Variants in DOCK1 observed in about 807,000 individuals in gnomAD.
DOCK1 encodes the protein dedicator of cytokinesis protein 1.
Under a neutral mutation model 262.7 loss-of-function variants are expected in DOCK1, and 138 were observed. The ratio of observed to expected loss-of-function variants is 0.53; its 90% CI spans 0.46 to 0.61. The LOEUF is 0.61. Among genes scored for constraint, DOCK1 ranks in the 20% least tolerant of loss-of-function variants. The pLI, the probability that DOCK1 is intolerant of heterozygous loss-of-function variation, is 0.00. For synonymous variants in DOCK1, 866 were observed against 867.4 expected, an observed-to-expected ratio of 1.00 and a Z score of 0.03; for missense variants, 1,908 against 2,370.7, an observed-to-expected ratio of 0.80 and a Z score of 4.05.
At chr10:127,305,424 C>G (rs755500700) in intron 29 of DOCK1, among the ~76,000 whole-genome samples, 7 of 152,122 alleles carry the variant, frequency 4.6e-5, no homozygotes, top group African/African-American at 1.7e-4. Flanking sequence ...GGACTTGCTT[C>G]CCTGGAAATC....
Position 127,176,482 on chromosome 10 carries a change from A to C in DOCK1, c.2847+48718A>C. The C allele has an allele frequency of 1.8e-6, 2 of 1,127,954 alleles. No individual in the cohort carries two copies. Among genetic ancestry groups the C allele is most frequent in the Non-Finnish European group, 2.5e-6 (2 of 793,196 alleles). 69.9% of individuals were successfully genotyped at this position (1,127,954 alleles called of 1,614,324 possible). On this transcript the variant is annotated intron_variant, in intron 27 of 51. Transcript: ENST00000623213. The surrounding 1 kb of genome is among the most constrained non-coding windows in gnomAD (Gnocchi z 4.4). ...CCGGCCGCACAAACTTTTAGCCACC[A>C]CGACGACTGCCTGTTTCCTAATTAT...
At chr10:127,350,274 A>AAC (rs1027747288) in intron 31 of DOCK1, among the ~76,000 whole-genome samples, 6 of 149,828 alleles carry the variant, frequency 4.0e-5, no homozygotes, top group African/African-American at 1.5e-4. Flanking sequence ...CTTTAAAAAA[A>AAC]ACCTGCCTCC....
intron 23 of DOCK1, among the ~76,000 whole-genome samples, chr10:127,094,695 G>T (rs539947514): frequency 6.6e-6 from 1 of 152,308 alleles, no homozygotes; most frequent in East Asian, 1.9e-4. Context: ...TTCCCGAAGG[G>T]CTCCATTTTG....
intron 6 of DOCK1, among the ~76,000 whole-genome samples, chr10:126,992,737 G>GACACACACACAC (rs34596370): frequency 1.9e-4 from 26 of 133,436 alleles, no homozygotes; most frequent in Middle Eastern, 3.7e-3. Flanking sequence ...CCCCAACACA[G>GACACACACACAC]ACACACACAC....
intron 25 of DOCK1, among the ~76,000 whole-genome samples, chr10:127,115,933 G>A (rs969391635): frequency 3.9e-5 from 6 of 152,204 alleles, no homozygotes; most frequent in Admixed American, 1.3e-4. Flanking sequence ...GCAGTGGACA[G>A]GTTTTCTTTG....
At position 127,023,195 on chromosome 10, in the gene DOCK1, C is replaced by G; in HGVS notation, c.1328-5C>G. 1.2e-6 allele frequency: 2 copies of G among 1,613,060 alleles called. No individual in the cohort carries two copies. The highest frequency in any genetic ancestry group is 2.2e-5 in the South Asian group (2 of 90,766). On this transcript the variant is annotated splice_polypyrimidine_tract_variant and splice_region_variant and intron_variant, in intron 13 of 51. Coordinates refer to ENST00000623213, the MANE Select transcript of DOCK1 (RefSeq NM_001290223.2). ...TTTTTAAATGTATGATTTCTCCCCC[C>G]TCAGGTGATGTTCGAAATGATATCT...
intron 47 of DOCK1, among the ~76,000 whole-genome samples, chr10:127,427,136 G>C (rs894143464): frequency 6.6e-6 from 1 of 152,234 alleles, no homozygotes; most frequent in Non-Finnish European, 1.5e-5. Context: ...ATGTGGCACA[G>C]AGAAGCAGGG....
At chr10:127,354,987 A>G (rs1342364392) in intron 32 of DOCK1, among the ~76,000 whole-genome samples, 1 of 152,114 alleles carries the variant, frequency 6.6e-6, no homozygotes, top group Non-Finnish European at 1.5e-5. Flanking sequence ...CGTGGCTTGG[A>G]GCTCCTCCCT....
chr10:127,263,396 A>T (rs1253079935), intron 29 of DOCK1, among the ~76,000 whole-genome samples: 2 of 28,930 alleles, frequency 6.9e-5, no homozygotes, highest in East Asian at 4.0e-3. Context: ...ATCAAGAATC[A>T]AAATTACAGG....
chr10:127,072,086 G>A (rs564162915), intron 23 of DOCK1, among the ~76,000 whole-genome samples: 3 of 152,190 alleles, frequency 2.0e-5, no homozygotes, highest in Admixed American at 6.5e-5. Context: ...CTGTGCCCTC[G>A]GTCTTGGATT....
intron 27 of DOCK1, among the ~76,000 whole-genome samples, chr10:127,221,851 A>G (rs1389249314): frequency 6.6e-6 from 1 of 152,224 alleles, no homozygotes; most frequent in Non-Finnish European, 1.5e-5. Flanking sequence ...CCTTAATTTA[A>G]TGGAATGCCT....
intron 29 of DOCK1, among the ~76,000 whole-genome samples, chr10:127,322,255 T>A (rs2062567154): frequency 6.7e-6 from 1 of 149,616 alleles, no homozygotes; most frequent in South Asian, 2.2e-4. Flanking sequence ...AGTGGTGTGA[T>A]CTCGGCTCAC....
chr10:127,176,390 G>T lies in DOCK1; in HGVS notation c.2847+48626G>T. 1 of 1,601,856 alleles carries T rather than the reference G, an allele frequency of 6.2e-7. No homozygotes were observed. The highest frequency in any genetic ancestry group is 1.1e-5 in the South Asian group (1 of 89,754). On this transcript the variant is annotated intron_variant, in intron 27 of 51. Transcript: ENST00000623213. The surrounding 1 kb of genome is among the most constrained non-coding windows in gnomAD (Gnocchi z 4.4). ...GTATGCATTTGCCGGTGTCCTTACTGACCATGGTTCCTGCATTCAGAAACA... is the reference window on the plus strand; with the variant it reads ...GTATGCATTTGCCGGTGTCCTTACTTACCATGGTTCCTGCATTCAGAAACA...
chr10:127,042,815 C>T (rs1446598064), intron 20 of DOCK1, 101 bp downstream of exon 20: 35 of 1,240,252 alleles, frequency 2.8e-5, no homozygotes, highest in African/African-American at 1.2e-4. Context: ...TGACCTTGAA[C>T]GCATTTTCAG....
chr10:127,364,055 T>C (rs1038036851), intron 33 of DOCK1, among the ~76,000 whole-genome samples: 3 of 152,212 alleles, frequency 2.0e-5, no homozygotes, highest in African/African-American at 7.2e-5. Flanking sequence ...TTCTCTTCTC[T>C]CAAGGCCGGA....
At chr10:127,364,934 T>A (rs1326752256) in intron 33 of DOCK1, among the ~76,000 whole-genome samples, 1 of 152,188 alleles carries the variant, frequency 6.6e-6, no homozygotes, top group Non-Finnish European at 1.5e-5. Context: ...AGATAATTCA[T>A]TTTTGAAAGA....
intron 29 of DOCK1, among the ~76,000 whole-genome samples, chr10:127,304,528 T>C (rs1590356686): frequency 6.6e-6 from 1 of 152,156 alleles, no homozygotes; most frequent in African/African-American, 2.4e-5. Context: ...GTTAGCTGAT[T>C]AATTGAAAAC....
chr10:127,124,915 G>A (rs778523622), intron 25 of DOCK1, among the ~76,000 whole-genome samples: 1 of 151,958 alleles, frequency 6.6e-6, no homozygotes, highest in Non-Finnish European at 1.5e-5. Context: ...TAAAAAACCC[G>A]TGTGTGGCTA....
rs751082778 is a variant in DOCK1, at chr10:127,343,656, A to G, written c.3134A>G (p.Asn1045Ser). ...CTTTTTGGTTTTCAGCTGTGGAACA[A>G]CTACTTTCACCTGGCTGTTGCTTTC... ...QANFELQLWN[N>S]YFHLAVAFLT... Residue 1045 changes from asparagine (N) to serine (S), a missense_variant, in exon 31 of 52, where the codon AAC becomes AGC. Asn to Ser is a conservative substitution (Grantham distance 46). This residue lies in a region of DOCK1 where 518 missense variants were observed against 575.1 expected (regional missense o/e 0.90). Transcript: ENST00000623213. The G allele has an allele frequency of 6.8e-6, 11 of 1,609,406 alleles. No individual in the cohort carries two copies. Among genetic ancestry groups the G allele is most frequent in the Non-Finnish European group, 9.3e-6 (11 of 1,177,984 alleles).
Sources: allele counts gnomAD v4.1 joint callset (sites outside exome capture counted in the v4.1 genomes callset), GRCh38; gene constraint gnomAD v4.1.1; regional missense constraint gnomAD v4.1.1; non-coding constraint Gnocchi (gnomAD v3.1); transcripts MANE v1.5; gene names NCBI Gene and HGNC (gene_info 2026-07-23, HGNC 2026-07-21).